The following HTR2C variants were observed in gnomAD, a reference collection of about 807,000 sequenced individuals.
HTR2C encodes the protein 5-hydroxytryptamine receptor 2C, also known as 5-hydroxytryptamine (serotonin) receptor 2C, G protein-coupled.
Under a neutral mutation model 21.0 loss-of-function variants are expected in HTR2C, and 5 were observed. That is an observed-to-expected ratio of 0.24 (90% CI 0.12 to 0.50). The LOEUF is 0.50. Among genes scored for constraint, HTR2C ranks in the 20% least tolerant of loss-of-function variants. The probability of loss-of-function intolerance (pLI) is 0.98; values close to 1 mark genes in which losing one functional copy is unlikely to be tolerated. For missense variants in HTR2C, 271 were observed against 371.2 expected, an observed-to-expected ratio of 0.73 and a Z score of 2.22; for synonymous variants, 150 against 145.3, an observed-to-expected ratio of 1.03 and a Z score of -0.23.
At chrX:114,743,327 T>C (rs781903687) in intron 4 of HTR2C, among the ~76,000 whole-genome samples, 116 of 111,379 alleles carry the variant, frequency 1.0e-3, no homozygotes, top group African/African-American at 3.3e-3. Flanking sequence ...TTGGTGGGAC[T>C]GTAAACTAGT....
chrX:114,762,711 T>G (rs1340885061), intron 4 of HTR2C, among the ~76,000 whole-genome samples: 1 of 112,015 alleles, frequency 8.9e-6, no homozygotes, highest in African/African-American at 3.2e-5. Flanking sequence ...GAATACATTT[T>G]AAGAGTGAGT....
At chrX:114,608,932 G>C in intron 1 of HTR2C, among the ~76,000 whole-genome samples, 1 of 111,924 alleles carries the variant, frequency 8.9e-6, no homozygotes, top group Non-Finnish European at 1.9e-5. Context: ...GCAGTTGAAT[G>C]TCATAAGAAG....
chrX:114,806,768 C>G (rs1273512333), intron 4 of HTR2C, among the ~76,000 whole-genome samples: 3 of 91,443 alleles, frequency 3.3e-5, no homozygotes, highest in Admixed American at 2.6e-4. Context: ...TATATACACA[C>G]CATATATATA....
intron 1 of HTR2C, among the ~76,000 whole-genome samples, chrX:114,600,456 ATC>A (rs72015021): frequency 0.12 from 13,861 of 111,245 alleles, 751 homozygotes; most frequent in South Asian, 0.27. Context: ...ATTTTCAAAT[ATC>A]TCAGTTTGTT....
intron 2 of HTR2C, among the ~76,000 whole-genome samples, chrX:114,631,730 C>T (rs1037986538): frequency 9.0e-6 from 1 of 111,525 alleles, no homozygotes. Flanking sequence ...TCAGCTTAGA[C>T]CTAGTGCTGA....
chrX:114,657,395 G>A (rs1275817631), intron 2 of HTR2C, among the ~76,000 whole-genome samples: 1 of 110,294 alleles, frequency 9.1e-6, no homozygotes, highest in African/African-American at 3.3e-5. Context: ...TTTCTATTTG[G>A]TTGCATACAT....
At chrX:114,812,329 A>G (rs949573678) in intron 4 of HTR2C, among the ~76,000 whole-genome samples, 1 of 111,430 alleles carries the variant, frequency 9.0e-6, no homozygotes, top group African/African-American at 3.3e-5. Context: ...CACCCTCTAC[A>G]TGGGTTATAA....
At position 114,872,789 on chromosome X, in the gene HTR2C, T is replaced by A. The variant is rs192954893; in HGVS notation, c.550+24586T>A. Among the ~76,000 whole-genome samples, 211 of 111,400 alleles carry A rather than the reference T, an allele frequency of 1.9e-3. 1 individual carries two copies. The highest frequency in any genetic ancestry group is 6.2e-3 in the African/African-American group (192 of 30,832). ...CTGCTGTCTAGTTGGTTTATAGTAT[T>A]GTTCAAGTCTTCTATTTCTTTGTTA... On this transcript the variant is annotated intron_variant, in intron 5 of 5. Transcript: ENST00000276198.
At chrX:114,731,272 T>C in intron 3 of HTR2C, 22 bp from the exon 4 acceptor site, 1 of 1,118,679 alleles carries the variant, frequency 8.9e-7, no homozygotes, top group South Asian at 2.0e-5. Context: ...ACCTGATTGT[T>C]TTTTTTTTTC....
At chrX:114,618,430 G>A (rs1429807938) in intron 2 of HTR2C, among the ~76,000 whole-genome samples, 1 of 111,641 alleles carries the variant, frequency 9.0e-6, no homozygotes, top group African/African-American at 3.3e-5. Context: ...TCAAAAATCG[G>A]ATTGACTTTT....
At chrX:114,623,561 A>G (rs1929247410) in intron 2 of HTR2C, among the ~76,000 whole-genome samples, 1 of 111,983 alleles carries the variant, frequency 8.9e-6, no homozygotes. Flanking sequence ...GACAGTGTAT[A>G]TTGATGCTTT....
intron 4 of HTR2C, among the ~76,000 whole-genome samples, chrX:114,773,281 C>A: frequency 9.0e-6 from 1 of 111,103 alleles, no homozygotes; most frequent in Admixed American, 9.6e-5. Context: ...CCCTTTCCTC[C>A]CACTCAAATC....
chrX:114,860,442 C>T (rs2070997638), intron 5 of HTR2C, among the ~76,000 whole-genome samples: 2 of 110,267 alleles, frequency 1.8e-5, no homozygotes, highest in Admixed American at 2.0e-4. Flanking sequence ...TTAGTGTTTC[C>T]ATAGCATAAC....
rs781949175 is a variant in HTR2C, at chrX:114,907,237, G to A, written c.1199G>A (p.Arg400Lys). 8.3e-7 allele frequency: 1 copy of A among 1,211,531 alleles called. No individual in the cohort carries two copies. Among genetic ancestry groups the A allele is most frequent in the Non-Finnish European group, 1.1e-6 (1 of 895,454 alleles). Reference sequence around the variant, plus strand: ...AAGCCTCCTGTCAGGCAGATTCCAAGAGTTGCCGCCACTGCTTTGTCTGGG... The same window carrying A: ...AAGCCTCCTGTCAGGCAGATTCCAAAAGTTGCCGCCACTGCTTTGTCTGGG... ...EKKPPVRQIP[R>K]VAATALSGRE... Residue 400 changes from arginine to lysine, a missense_variant, in exon 6 of 6, where the codon AGA becomes AAA. Arg to Lys is a conservative substitution (Grantham distance 26, BLOSUM62 2). This residue lies in a region of HTR2C where 192 missense variants were observed against 247.2 expected (regional missense o/e 0.78). Transcript: ENST00000276198.
At chrX:114,805,846 T>TATATACACCATATATATACC (rs1569495619) in intron 4 of HTR2C, among the ~76,000 whole-genome samples, 5 of 41,170 alleles carry the variant, frequency 1.2e-4, no homozygotes, top group Non-Finnish European at 1.4e-4. Context: ...ATATATACCA[T>TATATACACCATATATATACC]ATATATACCA....
chrX:114,876,385 G>A (rs183023310), intron 5 of HTR2C, among the ~76,000 whole-genome samples: 12 of 101,080 alleles, frequency 1.2e-4, no homozygotes, highest in African/African-American at 3.9e-4. Context: ...CAATTTGGAT[G>A]CCGGTTATTT....
At chrX:114,718,806 TAATC>T (rs1272292509) in intron 2 of HTR2C, among the ~76,000 whole-genome samples, 23 of 108,142 alleles carry the variant, frequency 2.1e-4, no homozygotes, top group South Asian at 3.8e-4. Flanking sequence ...GGTTTTAAGT[TAATC>T]AATCTTTTTC....
At chrX:114,876,721 A>C (rs1417616532) in intron 5 of HTR2C, among the ~76,000 whole-genome samples, 1 of 110,443 alleles carries the variant, frequency 9.1e-6, no homozygotes, top group African/African-American at 3.3e-5. Flanking sequence ...TCATTCTGTC[A>C]ATGTGATGTA....
chrX:114,730,220 AG>A (rs1300612605), intron 3 of HTR2C, among the ~76,000 whole-genome samples: 2 of 111,784 alleles, frequency 1.8e-5, no homozygotes, highest in East Asian at 2.8e-4. Flanking sequence ...ATGTCGCCAT[AG>A]GGGGATATTA....
Sources: gnomAD v4.1 joint callset for allele counts (sites outside exome capture counted in the v4.1 genomes callset) on GRCh38, gnomAD v4.1.1 for gene constraint, gnomAD v4.1.1 regional missense constraint, MANE v1.5 for transcripts, NCBI Gene and HGNC (gene_info 2026-07-23, HGNC 2026-07-21) for gene names.